Variants in DHRSX observed in about 807,000 individuals in gnomAD.
DHRSX encodes polyprenol dehydrogenase.
Under a neutral mutation model 34.0 loss-of-function variants are expected in DHRSX, and 31 were observed. That is an observed-to-expected ratio of 0.91 (90% CI 0.69 to 1.23). The LOEUF (loss-of-function observed/expected upper bound fraction) is 1.23, where lower values mean the gene tolerates loss of function less well. Among genes scored for constraint, DHRSX ranks in the 50% most tolerant of loss-of-function variants. DHRSX has a pLI of 0.00. For missense variants in DHRSX, 414 were observed against 428.1 expected, an observed-to-expected ratio of 0.97 and a Z score of 0.29; for synonymous variants, 201 against 183.8, an observed-to-expected ratio of 1.09 and a Z score of -0.76.
At chrX:2,341,997 G>C (rs1195460214) in intron 3 of DHRSX, among the ~76,000 whole-genome samples, 4 of 152,130 alleles carry the variant, frequency 2.6e-5, no homozygotes, top group South Asian at 2.1e-4. Context: ...GTAGACATGG[G>C]GTTTCACCAT....
At chrX:2,397,930 GCACACACACACA>G (rs111697078) in intron 3 of DHRSX, among the ~76,000 whole-genome samples, 5 of 138,430 alleles carry the variant, frequency 3.6e-5, no homozygotes, top group Non-Finnish European at 7.6e-5. Flanking sequence ...CTCAGAGCGC[GCACACACACACA>G]CACACACACA....
intron 3 of DHRSX, among the ~76,000 whole-genome samples, chrX:2,383,131 T>A (rs2043232621): frequency 6.6e-6 from 1 of 150,952 alleles, no homozygotes; most frequent in Non-Finnish European, 1.5e-5. Flanking sequence ...ACCACCATTG[T>A]CATCACCATC....
intron 3 of DHRSX, among the ~76,000 whole-genome samples, chrX:2,311,840 T>A (rs2042169096): frequency 6.6e-6 from 1 of 152,094 alleles, no homozygotes; most frequent in African/African-American, 2.4e-5. Flanking sequence ...GAGCGTCGAT[T>A]TAATGGTCTG....
chrX:2,423,781 A>C (rs2043810150), intron 2 of DHRSX, among the ~76,000 whole-genome samples: 1 of 152,096 alleles, frequency 6.6e-6, no homozygotes, highest in African/African-American at 2.4e-5. Context: ...GAATGGGTTA[A>C]TTTGAACTGT....
intron 3 of DHRSX, among the ~76,000 whole-genome samples, chrX:2,331,436 G>GTT (rs1159991841): frequency 0.03 from 2,791 of 94,264 alleles, 217 homozygotes; most frequent in African/African-American, 0.058. Context: ...AGGTTTTTTG[G>GTT]TTTTTTTTTT....
intron 3 of DHRSX, among the ~76,000 whole-genome samples, chrX:2,300,947 T>C (rs2042001526): frequency 1.3e-5 from 2 of 152,182 alleles, no homozygotes; most frequent in Admixed American, 6.6e-5. Flanking sequence ...CCCAAACTCA[T>C]GTTGATTTCA....
chrX:2,253,748 G>T (rs1402496087), intron 5 of DHRSX, among the ~76,000 whole-genome samples: 3 of 152,184 alleles, frequency 2.0e-5, no homozygotes, highest in Non-Finnish European at 4.4e-5. Context: ...TAAAAATCGT[G>T]AAGACTGAAC....
rs191663603 is a variant in DHRSX, at chrX:2,383,250, C to A, written c.286+25495G>T. On this transcript the variant is annotated intron_variant, in intron 3 of 6. Transcript: ENST00000334651. ...CATTTCTATCACCCCATCATCATCACCATCAGCATCAGCATCATCAACACC... is the reference window on the plus strand; with the variant it reads ...CATTTCTATCACCCCATCATCATCAACATCAGCATCAGCATCATCAACACC... 8.0e-3 allele frequency among the ~76,000 whole-genome samples: 1,216 copies of A among 151,750 alleles called. 32 individuals carry two copies. In the East Asian group the frequency reaches 0.093, roughly 12 times the overall value.
intron 3 of DHRSX, among the ~76,000 whole-genome samples, chrX:2,397,100 A>T (rs2043421441): frequency 1.3e-5 from 2 of 152,128 alleles, no homozygotes; most frequent in South Asian, 4.2e-4. Context: ...TCCAGGCTCA[A>T]ACGATCCTCC....
At chrX:2,289,877 C>A (rs1371858347) in intron 4 of DHRSX, among the ~76,000 whole-genome samples, 3 of 152,198 alleles carry the variant, frequency 2.0e-5, no homozygotes, top group African/African-American at 7.2e-5. Flanking sequence ...AAAGAAGACA[C>A]ACAAAGTTAA....
At chrX:2,466,783 A>G (rs2044503091) in intron 1 of DHRSX, among the ~76,000 whole-genome samples, 1 of 152,036 alleles carries the variant, frequency 6.6e-6, no homozygotes, top group South Asian at 2.1e-4. Flanking sequence ...TCAAAGTGAA[A>G]AAAGTAGGCT....
intron 6 of DHRSX, among the ~76,000 whole-genome samples, chrX:2,222,546 G>T (rs1278848615): frequency 6.6e-6 from 1 of 152,198 alleles, no homozygotes; most frequent in African/African-American, 2.4e-5. Context: ...CTAGTCTTCT[G>T]GGAGTGATGA....
chrX:2,306,184 C>A (rs935913458), intron 3 of DHRSX, among the ~76,000 whole-genome samples: 1 of 151,930 alleles, frequency 6.6e-6, no homozygotes, highest in African/African-American at 2.4e-5. Context: ...AGGCAACCAA[C>A]GGGCTTTGCT....
chrX:2,420,616 T>C lies in DHRSX; in HGVS notation c.217+4581A>G, dbSNP rs1287188253. Reference sequence around the variant, plus strand: ...AAATTAGCTGGGTGTGGTGGTGTGCTCCTGTAGTCCCAGCTACTCAGGAGG... The same window carrying C: ...AAATTAGCTGGGTGTGGTGGTGTGCCCCTGTAGTCCCAGCTACTCAGGAGG... On this transcript the variant is annotated intron_variant, in intron 2 of 6. Coordinates refer to ENST00000334651, the MANE Select transcript of DHRSX (RefSeq NM_145177.3). Among the ~76,000 whole-genome samples the C allele has an allele frequency of 2.2e-5, 3 of 133,490 alleles. No homozygotes were observed. The East Asian group carries it at 7.0e-4, about 31-fold the overall frequency. The allele number at this position is 133,490 out of a possible 152,430, so 87.6% of individuals were successfully genotyped here.
At chrX:2,417,569 C>T (rs1487173397) in intron 2 of DHRSX, among the ~76,000 whole-genome samples, 2 of 151,966 alleles carry the variant, frequency 1.3e-5, no homozygotes, top group African/African-American at 4.8e-5. Flanking sequence ...AACTAGATCT[C>T]CTCATGATCT....
intron 6 of DHRSX, among the ~76,000 whole-genome samples, chrX:2,231,574 T>G (rs1305662340): frequency 2.0e-5 from 3 of 149,382 alleles, no homozygotes; most frequent in Non-Finnish European, 4.4e-5. Context: ...CTCTTCTTCC[T>G]CCTCCATCGT....
At chrX:2,367,403 A>C (rs2043006641) in intron 3 of DHRSX, among the ~76,000 whole-genome samples, 1 of 150,796 alleles carries the variant, frequency 6.6e-6, no homozygotes, top group Admixed American at 6.7e-5. Context: ...GTGCCACTGC[A>C]CTCCAGCCTG....
chrX:2,259,401 T>TAG lies in DHRSX; in HGVS notation c.596+7338_596+7339insCT, dbSNP rs1226902870. Among the ~76,000 whole-genome samples the TAG allele has an allele frequency of 1.7e-3, 224 of 128,858 alleles. 1 individual carries two copies. The Middle Eastern group carries it at 0.02, about 12-fold the overall frequency. 84.5% of individuals were successfully genotyped at this position (128,858 alleles called of 152,430 possible). A position where few individuals can be genotyped will look rare whatever the true frequency, so the allele number is the denominator to read the frequency against. On this transcript the variant is annotated intron_variant, in intron 5 of 6. Coordinates refer to ENST00000334651, the MANE Select transcript of DHRSX (RefSeq NM_145177.3). ...ATATATATATAGATATATAGATATA[T>TAG]ATATAGATATAGATATATACAATAA...
At chrX:2,437,123 G>A (rs1344090938) in intron 1 of DHRSX, among the ~76,000 whole-genome samples, 3 of 151,804 alleles carry the variant, frequency 2.0e-5, no homozygotes, top group African/African-American at 4.8e-5. Flanking sequence ...TCAGCCTCCC[G>A]AGTAGCTGGG....
Sources: gnomAD v4.1 joint callset for allele counts (sites outside exome capture counted in the v4.1 genomes callset) on GRCh38, gnomAD v4.1.1 for gene constraint, MANE v1.5 for transcripts, NCBI Gene and HGNC (gene_info 2026-07-23, HGNC 2026-07-21) for gene names.